APBA1: variants seen among roughly 807,000 people sequenced by gnomAD.
APBA1 encodes the protein amyloid beta precursor protein binding family A member 1.
APBA1 carries 55 observed loss-of-function variants against 86.6 expected under a neutral mutation model. That is an observed-to-expected ratio of 0.64 (90% CI 0.51 to 0.80). The LOEUF (loss-of-function observed/expected upper bound fraction) is 0.80, where lower values mean the gene tolerates loss of function less well. APBA1 is among the 30% of genes least tolerant of loss of function. The pLI is 0.00. For missense variants in APBA1, 1,090 were observed against 1,183.0 expected, an observed-to-expected ratio of 0.92 and a Z score of 1.15; for synonymous variants, 511 against 493.9, an observed-to-expected ratio of 1.03 and a Z score of -0.46.
chr9:69,662,029 C>T (rs1823762915), intron 1 of APBA1, among the ~76,000 whole-genome samples: 1 of 150,996 alleles, frequency 6.6e-6, no homozygotes, highest in Non-Finnish European at 1.5e-5. Context: ...GTAACACACA[C>T]ACACACACAC....
At chr9:69,460,785 A>C (rs1288269692) in intron 5 of APBA1, 1 of 151,896 alleles carries the variant, frequency 6.6e-6, no homozygotes, top group East Asian at 1.9e-4. Flanking sequence ...GCTAGAGTGC[A>C]GTGGTGCCAA....
intron 2 of APBA1, among the ~76,000 whole-genome samples, chr9:69,485,489 T>A (rs1433582548): frequency 6.6e-6 from 1 of 152,096 alleles, no homozygotes; most frequent in African/African-American, 2.4e-5. Context: ...CAATGAAATG[T>A]GATAGAAAAA....
At chr9:69,531,482 C>T (rs941095467) in intron 1 of APBA1, among the ~76,000 whole-genome samples, 3 of 152,320 alleles carry the variant, frequency 2.0e-5, no homozygotes, top group South Asian at 4.1e-4. Flanking sequence ...TTCCTTACCC[C>T]TGTCCTCTAA....
Position 69,605,356 on chromosome 9 carries a change from A to G in APBA1, c.-70+66797T>C, listed in dbSNP as rs867758521. On this transcript the variant is annotated intron_variant, in intron 1 of 12. Coordinates refer to ENST00000265381, the MANE Select transcript of APBA1 (RefSeq NM_001163.4). ...TAAATACCTTGTTTCAAGCTCTTATACAGCTATAAAATCAATATAAATTTA... is the reference window on the plus strand; with the variant it reads ...TAAATACCTTGTTTCAAGCTCTTATGCAGCTATAAAATCAATATAAATTTA... 5.9e-5 allele frequency among the ~76,000 whole-genome samples: 9 copies of G among 152,340 alleles called. No individual in the cohort carries two copies. The Middle Eastern group carries it at 0.01, about 173-fold the overall frequency.
chr9:69,581,506 C>T lies in APBA1; in HGVS notation c.-69-64227G>A, dbSNP rs141262087. 5.4e-4 allele frequency among the ~76,000 whole-genome samples: 82 copies of T among 152,304 alleles called. 1 individual carries two copies. In the East Asian group the frequency reaches 0.014, roughly 25 times the overall value. On this transcript the variant is annotated intron_variant, in intron 1 of 12. Transcript: ENST00000265381. ...GTTTGCGGGGGCAGAGAGTTGACTA[C>T]GTGAATCATTCACACTTCAAGTACT...
chr9:69,632,748 A>T (rs1411438), intron 1 of APBA1, among the ~76,000 whole-genome samples: 47,264 of 152,060 alleles, frequency 0.31, 7,716 homozygotes, highest in East Asian at 0.4. Context: ...TTTGCTGTAT[A>T]GAACAATCCA....
chr9:69,590,636 G>T (rs1822111429), intron 1 of APBA1, among the ~76,000 whole-genome samples: 1 of 152,182 alleles, frequency 6.6e-6, no homozygotes, highest in Non-Finnish European at 1.5e-5. Context: ...GATCTCAAAA[G>T]GATGCTGCAC....
At chr9:69,566,258 G>A (rs772990705) in intron 1 of APBA1, among the ~76,000 whole-genome samples, 2 of 152,180 alleles carry the variant, frequency 1.3e-5, no homozygotes, top group Non-Finnish European at 2.9e-5. Context: ...CTCATGTGGA[G>A]GATTGCCTCC....
intron 4 of APBA1, 29 bp downstream of exon 4, chr9:69,471,627 G>A: frequency 6.3e-7 from 1 of 1,598,482 alleles, no homozygotes; most frequent in Non-Finnish European, 8.6e-7. Flanking sequence ...GAATGACTCA[G>A]TGCTCAGTAT....
intron 11 of APBA1, among the ~76,000 whole-genome samples, chr9:69,440,724 C>T (rs112959272): frequency 0.013 from 1,986 of 152,250 alleles, 37 homozygotes; most frequent in African/African-American, 0.045. Flanking sequence ...TGACCCCTTG[C>T]GCTTCCCGGG....
chr9:69,549,304 C>T (rs1031859589), intron 1 of APBA1, among the ~76,000 whole-genome samples: 1 of 152,076 alleles, frequency 6.6e-6, no homozygotes, highest in Non-Finnish European at 1.5e-5. Flanking sequence ...GAGGCTGTAG[C>T]CTTACTGTCA....
intron 10 of APBA1, among the ~76,000 whole-genome samples, chr9:69,448,266 C>T (rs1430611515): frequency 1.3e-5 from 2 of 152,384 alleles, no homozygotes; most frequent in African/African-American, 2.4e-5. Context: ...AGCCCTTGCA[C>T]GTCTCTAATT....
intron 1 of APBA1, among the ~76,000 whole-genome samples, chr9:69,582,373 CG>C (rs1821929557): frequency 6.6e-6 from 1 of 152,140 alleles, no homozygotes; most frequent in East Asian, 1.9e-4. Flanking sequence ...TACTGCGGGA[CG>C]GGTCGCTTTC....
intron 2 of APBA1, 48 bp from the exon 3 acceptor site, chr9:69,476,191 A>G (rs994855910): frequency 7.1e-7 from 1 of 1,407,678 alleles, no homozygotes; most frequent in East Asian, 2.3e-5. Flanking sequence ...GAGACTCGGC[A>G]GACACTTGGC....
intron 1 of APBA1, among the ~76,000 whole-genome samples, chr9:69,541,482 C>T (rs1262105755): frequency 1.3e-5 from 2 of 151,324 alleles, no homozygotes; most frequent in African/African-American, 4.9e-5. Context: ...TTTCATATAC[C>T]CATTGACCAT....
At chr9:69,512,583 T>C (rs779426713) in intron 2 of APBA1, among the ~76,000 whole-genome samples, 56 of 152,194 alleles carry the variant, frequency 3.7e-4, no homozygotes, top group Non-Finnish European at 6.9e-4. Context: ...CACAGTGAGA[T>C]ACCTCTTTTT....
In APBA1 at chr9:69,464,348, A is replaced by G. The variant is rs534023739; in HGVS notation, c.1482+3475T>C. 2.0e-5 allele frequency: 3 copies of G among 152,396 alleles called. No individual in the cohort carries two copies. In the South Asian group the frequency reaches 6.2e-4, roughly 32 times the overall value. 9.4% of individuals were successfully genotyped at this position (152,396 alleles called of 1,614,324 possible). ...AGTTCCTTCCAATGCATAGATGCAC[A>G]TTGTAAAATGATACTTATAAGTTAT... On this transcript the variant is annotated intron_variant, in intron 5 of 12. Transcript: ENST00000265381.
At chr9:69,553,322 T>A (rs1836816359) in intron 1 of APBA1, among the ~76,000 whole-genome samples, 1 of 152,218 alleles carries the variant, frequency 6.6e-6, no homozygotes, top group African/African-American at 2.4e-5. Flanking sequence ...ATATAAACCA[T>A]TTCCATCACC....
chr9:69,490,603 T>C (rs1358187543), intron 2 of APBA1, among the ~76,000 whole-genome samples: 2 of 151,598 alleles, frequency 1.3e-5, no homozygotes, highest in Non-Finnish European at 2.9e-5. Flanking sequence ...AATTGACAAA[T>C]GGGATCTAAT....
Sources: gnomAD v4.1 joint callset for allele counts (sites outside exome capture counted in the v4.1 genomes callset) on GRCh38, gnomAD v4.1.1 for gene constraint, MANE v1.5 for transcripts, NCBI Gene and HGNC (gene_info 2026-07-23, HGNC 2026-07-21) for gene names.